The following LSM3 variants were observed in gnomAD, a reference collection of about 807,000 sequenced individuals.
The protein encoded by LSM3 is U6 snRNA-associated Sm-like protein LSm3.
LSM3 carries 14 observed loss-of-function variants against 15.4 expected under a neutral mutation model. The ratio of observed to expected loss-of-function variants is 0.91; its 90% confidence interval spans 0.60 to 1.42. LSM3 has a LOEUF of 1.42. Ranked by LOEUF, LSM3 falls within the 40% of genes most tolerant of loss-of-function variation. LSM3 has a pLI of 0.00. For synonymous variants in LSM3, 46 were observed against 45.1 expected (o/e 1.02, Z -0.08); for missense variants, 88 against 127.9 (o/e 0.69, Z 1.50).
intron 2 of LSM3, among the ~76,000 whole-genome samples, chr3:14,182,529 T>C (rs1030784371): frequency 5.3e-5 from 8 of 152,210 alleles, no homozygotes; most frequent in African/African-American, 1.7e-4. Context: ...CTGCAAAATA[T>C]CTGTAGAATT....
At chr3:14,197,793 CAT>C (rs1697199282) in intron 3 of LSM3, among the ~76,000 whole-genome samples, 1 of 152,190 alleles carries the variant, frequency 6.6e-6, no homozygotes, top group South Asian at 2.1e-4. Context: ...GAATAAGAAA[CAT>C]AGTCCAGCTG....
At chr3:14,196,521 A>G (rs1231228485) in intron 3 of LSM3, among the ~76,000 whole-genome samples, 4 of 152,198 alleles carry the variant, frequency 2.6e-5, no homozygotes, top group Non-Finnish European at 5.9e-5. Context: ...TATCCACCAC[A>G]AAAACTCTCT....
At position 14,200,736 on chromosome 3, in the gene LSM3, C is replaced by T. The variant is rs748121267; in HGVS notation, c.*2620C>T. On this transcript the variant is annotated 3_prime_UTR_variant, in exon 4 of 4. Transcript: ENST00000306024. ...AACTTAATCATTAGCTGCAAATGGA[C>T]GATTTTCAAATTTCAAATAGTGATT... The T allele has an allele frequency of 1.3e-5, 2 of 152,120 alleles. No homozygotes were observed. Among genetic ancestry groups the T allele is most frequent in the East Asian group, 1.9e-4 (1 of 5,194 alleles). 9.4% of individuals were successfully genotyped at this position (152,120 alleles called of 1,614,324 possible). A position where few individuals can be genotyped will look rare whatever the true frequency, so the allele number is the denominator to read the frequency against.
At chr3:14,184,441 T>A (rs1008274067) in intron 3 of LSM3, among the ~76,000 whole-genome samples, 7 of 152,184 alleles carry the variant, frequency 4.6e-5, no homozygotes, top group Admixed American at 1.3e-4. Context: ...AACTGAAAAA[T>A]TTTTTAAATA....
intron 3 of LSM3, among the ~76,000 whole-genome samples, chr3:14,192,542 T>C (rs1376693689): frequency 1.3e-5 from 2 of 152,244 alleles, no homozygotes; most frequent in African/African-American, 4.8e-5. Context: ...ATGCCCTTGT[T>C]TGTCTCTTTT....
chr3:14,183,044 G>A (rs1697054987), intron 2 of LSM3, among the ~76,000 whole-genome samples: 1 of 152,224 alleles, frequency 6.6e-6, no homozygotes, highest in Non-Finnish European at 1.5e-5. Context: ...ATGGAATTGA[G>A]TTTAATTACT....
intron 3 of LSM3, among the ~76,000 whole-genome samples, chr3:14,185,180 G>A (rs1263473871): frequency 6.6e-6 from 1 of 151,874 alleles, no homozygotes; most frequent in Non-Finnish European, 1.5e-5. Context: ...GCAAAACCCT[G>A]TCTCTACTAA....
intron 2 of LSM3, among the ~76,000 whole-genome samples, chr3:14,182,796 G>A (rs1697052135): frequency 1.3e-5 from 2 of 152,206 alleles, no homozygotes; most frequent in African/African-American, 4.8e-5. Flanking sequence ...TTGCAGTGTA[G>A]GAAGCTCAGG....
chr3:14,189,139 T>C (rs958049784), intron 3 of LSM3, among the ~76,000 whole-genome samples: 5 of 152,194 alleles, frequency 3.3e-5, no homozygotes, highest in Non-Finnish European at 7.3e-5. Context: ...AACTCCTCCT[T>C]TTTTATAGCT....
chr3:14,190,874 A>C (rs1478941831), intron 3 of LSM3, among the ~76,000 whole-genome samples: 3 of 152,160 alleles, frequency 2.0e-5, no homozygotes, highest in African/African-American at 4.8e-5. Context: ...CGGTTTTCAG[A>C]GGGAATGTTT....
chr3:14,186,990 T>C (rs766619637), intron 3 of LSM3, among the ~76,000 whole-genome samples: 8 of 152,230 alleles, frequency 5.3e-5, no homozygotes, highest in Admixed American at 3.9e-4. Flanking sequence ...ACCATGAGAG[T>C]AGACTCTTCA....
chr3:14,179,063 A>G (rs1043155919), intron 1 of LSM3, among the ~76,000 whole-genome samples, 182 bp downstream of exon 1: 1 of 152,162 alleles, frequency 6.6e-6, no homozygotes, highest in African/African-American at 2.4e-5. Context: ...TTCCTGTTAG[A>G]AGCCCACCTG....
rs1226477992 is a variant in LSM3 at position 14,199,772 on chromosome 3, C to T, written c.*1656C>T. On this transcript the variant is annotated 3_prime_UTR_variant, in exon 4 of 4. Coordinates refer to ENST00000306024, the MANE Select transcript of LSM3 (RefSeq NM_014463.3). ...TCCTGCAGAATGTTAGAAGAAACAA[C>T]CTCAAAGACCTCAGGCCGCCTGTGG... 2.6e-5 allele frequency: 4 copies of T among 152,238 alleles called. No homozygotes were observed. Among genetic ancestry groups the T allele is most frequent in the African/African-American group, 9.7e-5 (4 of 41,444 alleles). The allele number at this position is 152,238 out of a possible 1,614,324, so 9.4% of individuals were successfully genotyped here. A position where few individuals can be genotyped will look rare whatever the true frequency, so the allele number is the denominator to read the frequency against.
At chr3:14,185,784 G>T (rs561778104) in intron 3 of LSM3, among the ~76,000 whole-genome samples, 1 of 152,194 alleles carries the variant, frequency 6.6e-6, no homozygotes, top group South Asian at 2.1e-4. Context: ...TCTTACTCAT[G>T]CATGATTTGG....
At chr3:14,196,285 T>C (rs1472199330) in intron 3 of LSM3, among the ~76,000 whole-genome samples, 1 of 152,098 alleles carries the variant, frequency 6.6e-6, no homozygotes, top group Non-Finnish European at 1.5e-5. Context: ...GCCAAGTTGC[T>C]GCAGAGATCA....
rs1697022954 is a variant in LSM3 at position 14,180,555 on chromosome 3, CT to C, written c.22-1004del. Among the ~76,000 whole-genome samples the C allele has an allele frequency of 6.6e-5, 10 of 152,240 alleles. 1 individual carries two copies. In the South Asian group the frequency reaches 2.1e-3, roughly 32 times the overall value. On this transcript the variant is annotated intron_variant, in intron 1 of 3. Transcript: ENST00000306024. ...CTGCCTTTCTCAGCCGCCCAAAGTG[CT>C]GGGATTCAAGCGTGAGCCACCACGC...
At chr3:14,181,358 A>G (rs1347638909) in intron 1 of LSM3, among the ~76,000 whole-genome samples, 1 of 152,232 alleles carries the variant, frequency 6.6e-6, no homozygotes, top group African/African-American at 2.4e-5. Context: ...TATTATGTGA[A>G]AAGCTCTGTT....
intron 3 of LSM3, among the ~76,000 whole-genome samples, chr3:14,189,097 C>G (rs1697116318): frequency 2.6e-5 from 4 of 152,098 alleles, no homozygotes; most frequent in African/African-American, 9.7e-5. Flanking sequence ...ATGATGGTTT[C>G]CAGCTTCATC....
chr3:14,186,058 T>C (rs1361570130), intron 3 of LSM3, among the ~76,000 whole-genome samples: 1 of 152,156 alleles, frequency 6.6e-6, no homozygotes, highest in African/African-American at 2.4e-5. Flanking sequence ...ATTACAGGCA[T>C]GTGCCACCAC....
Sources: gnomAD v4.1 joint callset for allele counts (sites outside exome capture counted in the v4.1 genomes callset) on GRCh38, gnomAD v4.1.1 for gene constraint, MANE v1.5 for transcripts, NCBI Gene and HGNC (gene_info 2026-07-23, HGNC 2026-07-21) for gene names.